Variants in SH3GL2 observed in about 807,000 individuals in gnomAD.
SH3GL2 encodes the protein endophilin-A1.
A neutral mutation model predicts 46.0 loss-of-function variants in SH3GL2; 24 were observed. That is an observed-to-expected ratio of 0.52 (90% CI 0.38 to 0.73). The LOEUF (loss-of-function observed/expected upper bound fraction) is 0.73, where lower values mean the gene tolerates loss of function less well. Among genes scored for constraint, SH3GL2 ranks in the 30% least tolerant of loss-of-function variants. The pLI is 0.00. For synonymous variants in SH3GL2, 196 were observed against 147.1 expected, an observed-to-expected ratio of 1.33 and a Z score of -2.40; for missense variants, 413 against 424.2, an observed-to-expected ratio of 0.97 and a Z score of 0.23.
At chr9:17,714,564 C>T (rs1821704860) in intron 1 of SH3GL2, among the ~76,000 whole-genome samples, 1 of 151,786 alleles carries the variant, frequency 6.6e-6, no homozygotes, top group Middle Eastern at 3.4e-3. Flanking sequence ...CCTAGATGGT[C>T]TATAACATTG....
intron 1 of SH3GL2, among the ~76,000 whole-genome samples, chr9:17,593,281 G>A (rs1818517656): frequency 6.6e-6 from 1 of 152,228 alleles, no homozygotes; most frequent in Non-Finnish European, 1.5e-5. Flanking sequence ...GCACAGGACT[G>A]TGCTTGTGAC....
chr9:17,769,556 G>A (rs1220691229), intron 3 of SH3GL2, among the ~76,000 whole-genome samples: 6 of 151,960 alleles, frequency 3.9e-5, no homozygotes, highest in Non-Finnish European at 8.8e-5. Context: ...TCTTCTGCCT[G>A]GAACACTCTT....
chr9:17,781,325 GTTGT>G (rs1434478324), intron 3 of SH3GL2, among the ~76,000 whole-genome samples: 7 of 121,950 alleles, frequency 5.7e-5, no homozygotes, highest in African/African-American at 1.3e-4. Flanking sequence ...TTTTGATGGG[GTTGT>G]TTGTTTTTTT....
chr9:17,770,687 T>C (rs1040360133), intron 3 of SH3GL2, among the ~76,000 whole-genome samples: 2 of 152,196 alleles, frequency 1.3e-5, no homozygotes, highest in African/African-American at 4.8e-5. Context: ...CGAGAGACAT[T>C]CCCTTCCTTG....
intron 1 of SH3GL2, among the ~76,000 whole-genome samples, chr9:17,731,739 C>G (rs893653906): frequency 2.0e-5 from 3 of 152,116 alleles, no homozygotes; most frequent in African/African-American, 7.2e-5. Flanking sequence ...TTAGTTTAGT[C>G]CAAAGGGGCT....
At chr9:17,733,838 G>A (rs2118436417) in intron 1 of SH3GL2, among the ~76,000 whole-genome samples, 1 of 150,426 alleles carries the variant, frequency 6.6e-6, no homozygotes, top group East Asian at 2.0e-4. Flanking sequence ...GATGAAATTG[G>A]AAATCATCAT....
At chr9:17,638,485 G>A (rs917862082) in intron 1 of SH3GL2, among the ~76,000 whole-genome samples, 3 of 152,166 alleles carry the variant, frequency 2.0e-5, no homozygotes, top group African/African-American at 4.8e-5. Flanking sequence ...AGTATCATGA[G>A]GAAAACCAAA....
intron 1 of SH3GL2, among the ~76,000 whole-genome samples, chr9:17,715,443 C>T (rs1453493842): frequency 1.3e-5 from 2 of 151,828 alleles, no homozygotes; most frequent in African/African-American, 4.8e-5. Flanking sequence ...ATGAACTTCA[C>T]TTACTCTTCT....
intron 1 of SH3GL2, chr9:17,591,349 G>C (rs1198553853): frequency 6.6e-6 from 1 of 151,854 alleles, no homozygotes; most frequent in Non-Finnish European, 1.5e-5. Context: ...CACCCCTCCA[G>C]TGCCCCCCAA....
At chr9:17,770,905 T>A (rs1055704137) in intron 3 of SH3GL2, among the ~76,000 whole-genome samples, 2 of 152,126 alleles carry the variant, frequency 1.3e-5, no homozygotes, top group East Asian at 3.9e-4. Flanking sequence ...ACTTCTCCCC[T>A]CTCTGGCCTC....
In SH3GL2 at chr9:17,642,781, C is replaced by T. The variant is rs567948749; in HGVS notation, c.45+63494C>T. ...CCTTGTATAGTTTGAAGTCAGGTAG[C>T]GTGATACCTCCAGCTTTGTTGTTTT... is the stretch of plus-strand genomic sequence containing the variant. On this transcript the variant is annotated intron_variant, in intron 1 of 8. Coordinates refer to ENST00000380607, the MANE Select transcript of SH3GL2 (RefSeq NM_003026.5). 2.8e-3 allele frequency among the ~76,000 whole-genome samples: 425 copies of T among 152,174 alleles called. 1 individual carries two copies. Among genetic ancestry groups the T allele is most frequent in the South Asian group, 0.011 (55 of 4,830 alleles).
intron 1 of SH3GL2, among the ~76,000 whole-genome samples, chr9:17,708,965 T>G (rs1353648901): frequency 6.6e-6 from 1 of 152,028 alleles, no homozygotes; most frequent in Non-Finnish European, 1.5e-5. Context: ...TTCTGAGTCC[T>G]AAGTGACCAA....
At chr9:17,639,900 T>C (rs1363537513) in intron 1 of SH3GL2, among the ~76,000 whole-genome samples, 1 of 152,184 alleles carries the variant, frequency 6.6e-6, no homozygotes, top group Non-Finnish European at 1.5e-5. Context: ...TACTGTTCAA[T>C]TTCATTATAT....
chr9:17,626,096 T>G (rs1002758626), intron 1 of SH3GL2, among the ~76,000 whole-genome samples: 2 of 152,240 alleles, frequency 1.3e-5, no homozygotes, highest in Admixed American at 1.3e-4. Flanking sequence ...CTCTTTGGTT[T>G]TGGTTCCCAG....
intron 1 of SH3GL2, among the ~76,000 whole-genome samples, chr9:17,722,040 C>T (rs1016371611): frequency 1.3e-5 from 2 of 152,044 alleles, no homozygotes; most frequent in Non-Finnish European, 2.9e-5. Context: ...GATTCACTCT[C>T]TCTACGTTGC....
chr9:17,601,227 G>A (rs898616033), intron 1 of SH3GL2, among the ~76,000 whole-genome samples: 3 of 151,972 alleles, frequency 2.0e-5, no homozygotes, highest in Non-Finnish European at 2.9e-5. Flanking sequence ...AAGAGATACC[G>A]TTGTTTTTCT....
intron 1 of SH3GL2, among the ~76,000 whole-genome samples, chr9:17,616,986 C>G (rs1819018055): frequency 6.6e-6 from 1 of 152,154 alleles, no homozygotes; most frequent in Admixed American, 6.5e-5. Context: ...AAAGACAGTT[C>G]CTGCAAATGT....
chr9:17,758,141 C>G (rs79086780), intron 2 of SH3GL2, among the ~76,000 whole-genome samples: 1 of 152,194 alleles, frequency 6.6e-6, no homozygotes, highest in Non-Finnish European at 1.5e-5. Context: ...TCATAACACA[C>G]TTAAAGAGCT....
chr9:17,625,580 A>G (rs928418622), intron 1 of SH3GL2, among the ~76,000 whole-genome samples: 1 of 152,226 alleles, frequency 6.6e-6, no homozygotes, highest in Non-Finnish European at 1.5e-5. Context: ...AAGAGAGTAC[A>G]TTTCCAATGG....
Sources: allele counts gnomAD v4.1 joint callset (sites outside exome capture counted in the v4.1 genomes callset), GRCh38; gene constraint gnomAD v4.1.1; transcripts MANE v1.5; gene names NCBI Gene and HGNC (gene_info 2026-07-23, HGNC 2026-07-21).